ARMH1: variants seen among roughly 807,000 people sequenced by gnomAD.
ARMH1 encodes armadillo-like helical domain containing protein 1.
A neutral mutation model predicts 50.2 loss-of-function variants in ARMH1; 34 were observed. The ratio of observed to expected loss-of-function variants is 0.68; its 90% confidence interval spans 0.51 to 0.90. ARMH1 has a LOEUF of 0.90. ARMH1 is among the 40% of genes least tolerant of loss of function. ARMH1 has a pLI of 0.00. For synonymous variants in ARMH1, 221 were observed against 224.2 expected (o/e 0.99, Z 0.13); for missense variants, 538 against 553.9 (o/e 0.97, Z 0.29).
chr1:44,700,366 C>T (rs149357120), intron 4 of ARMH1, among the ~76,000 whole-genome samples: 186 of 152,164 alleles, frequency 1.2e-3, no homozygotes, highest in African/African-American at 4.2e-3. Context: ...GCCTCTAATC[C>T]CAACACTTCG....
At chr1:44,703,415 G>C (rs1646182713) in intron 5 of ARMH1, among the ~76,000 whole-genome samples, 3 of 152,018 alleles carry the variant, frequency 2.0e-5, no homozygotes, top group Admixed American at 2.0e-4. Context: ...CTAACAGGTA[G>C]ACAAGATCTA....
At position 44,724,828 on chromosome 1, in the gene ARMH1, C is replaced by T. The variant is rs1323869338; in HGVS notation, c.1117C>T (p.Gln373Ter). The stretch of plus-strand genomic sequence containing the variant: ...CAAGTGCATGGGGGAGGAACTCTAC[C>T]AGCTCTTCCTGGTAAGTGCGCCCTT... ...VRKCMGEELY[Q>*]LFLSNAEDLY... Residue 373 changes from glutamine (Q) to a stop codon, truncating the protein, a stop_gained, in exon 10 of 12, where the codon CAG (glutamine) becomes TAG (stop). Coordinates refer to ENST00000535358, the MANE Select transcript of ARMH1 (RefSeq NM_001145636.2). LOFTEE classifies it high-confidence loss of function. The surrounding 1 kb of genome is among the most constrained non-coding windows in gnomAD (Gnocchi z 6.4). 4.5e-6 allele frequency: 7 copies of T among 1,541,022 alleles called. No homozygotes were observed. The highest frequency in any genetic ancestry group is 1.4e-5 in the African/African-American group (1 of 73,024).
chr1:44,699,091 G>A (rs1426486405), intron 4 of ARMH1, among the ~76,000 whole-genome samples: 1 of 151,850 alleles, frequency 6.6e-6, no homozygotes, highest in African/African-American at 2.4e-5. Flanking sequence ...GACCATCCTG[G>A]CTAACACGGT....
At chr1:44,691,606 C>T (rs964457869) in intron 2 of ARMH1, among the ~76,000 whole-genome samples, 3 of 152,184 alleles carry the variant, frequency 2.0e-5, no homozygotes, top group Non-Finnish European at 4.4e-5. Context: ...CTCTTCTCTA[C>T]TCACTCTCAG....
At chr1:44,687,291 A>G (rs189161746) in intron 1 of ARMH1, among the ~76,000 whole-genome samples, 1 of 152,162 alleles carries the variant, frequency 6.6e-6, no homozygotes, top group East Asian at 1.9e-4. Flanking sequence ...CACCAATCAT[A>G]TTGGATAAAG....
intron 4 of ARMH1, among the ~76,000 whole-genome samples, chr1:44,700,562 G>T (rs1301760304): frequency 1.4e-5 from 2 of 147,162 alleles, no homozygotes; most frequent in African/African-American, 5.1e-5. Flanking sequence ...GTTGCAGTGA[G>T]CCGAGATCGC....
At chr1:44,695,335 C>A (rs1366691186) in intron 2 of ARMH1, among the ~76,000 whole-genome samples, 1 of 152,176 alleles carries the variant, frequency 6.6e-6, no homozygotes, top group Admixed American at 6.5e-5. Context: ...AGCACAGTGC[C>A]CCGCACACAA....
chr1:44,683,907 C>A lies in ARMH1; in HGVS notation c.-22-5769C>A, dbSNP rs1557515009. ...GTGGCTCACACCTGTAATTCCAGCA[C>A]TTTGGGAGGCCAAGGTGGGAAGATA... On this transcript the variant is annotated intron_variant, in intron 1 of 11. Transcript: ENST00000535358. This position sits in a 1 kb window ranked among gnomAD's most constrained non-coding sequence, Gnocchi z 4.2. 6.6e-6 allele frequency among the ~76,000 whole-genome samples: 1 copy of A among 152,102 alleles called. No individual in the cohort carries two copies. Among genetic ancestry groups the A allele is most frequent in the South Asian group, 2.1e-4 (1 of 4,828 alleles).
chr1:44,691,476 C>T (rs1645657002), intron 2 of ARMH1, among the ~76,000 whole-genome samples: 1 of 152,072 alleles, frequency 6.6e-6, no homozygotes, highest in African/African-American at 2.4e-5. Flanking sequence ...GTCAATCAAC[C>T]TTTCCCACTT....
intron 6 of ARMH1, among the ~76,000 whole-genome samples, chr1:44,707,317 G>A (rs1171711153): frequency 1.3e-5 from 2 of 152,158 alleles, no homozygotes. Context: ...TCACCTCTAT[G>A]CCTTTCTCCT....
intron 6 of ARMH1, among the ~76,000 whole-genome samples, chr1:44,705,349 C>T (rs1452227157): frequency 2.0e-5 from 3 of 151,936 alleles, no homozygotes; most frequent in Non-Finnish European, 2.9e-5. Context: ...AAAAATTAGC[C>T]AGGGGTAGTG....
At chr1:44,687,210 G>A (rs1645501338) in intron 1 of ARMH1, among the ~76,000 whole-genome samples, 2 of 152,096 alleles carry the variant, frequency 1.3e-5, no homozygotes, top group Admixed American at 6.6e-5. Flanking sequence ...AGATGACCAT[G>A]TTTTCCCTGT....
chr1:44,723,489 C>T (rs542600492), intron 6 of ARMH1, among the ~76,000 whole-genome samples: 4 of 152,286 alleles, frequency 2.6e-5, no homozygotes, highest in South Asian at 2.1e-4. Flanking sequence ...CTAACCAAAT[C>T]CTCCCCTCCT....
chr1:44,709,760 C>A (rs933913100), intron 6 of ARMH1, among the ~76,000 whole-genome samples: 1 of 151,878 alleles, frequency 6.6e-6, no homozygotes. Flanking sequence ...ATTGCTTGAC[C>A]CAGGAGGCGG....
chr1:44,719,701 C>G (rs968382016), intron 6 of ARMH1, among the ~76,000 whole-genome samples: 2 of 152,216 alleles, frequency 1.3e-5, no homozygotes, highest in Non-Finnish European at 2.9e-5. Flanking sequence ...GAAGCAGAGA[C>G]CTGTTCTGTG....
intron 6 of ARMH1, among the ~76,000 whole-genome samples, chr1:44,713,693 C>T (rs1646719230): frequency 6.6e-6 from 1 of 152,154 alleles, no homozygotes; most frequent in African/African-American, 2.4e-5. Context: ...CATTTGCCTG[C>T]CCCTCAAAAC....
chr1:44,676,605 A>G lies in ARMH1; in HGVS notation c.-23+1732A>G, dbSNP rs865924409. ...CAAGGAAGGAAAGTGTTGAAGGCTT[A>G]TGACTAATCAAGTAAAATAAGGCCT... On this transcript the variant is annotated intron_variant, in intron 1 of 11. Coordinates refer to ENST00000535358, the MANE Select transcript of ARMH1 (RefSeq NM_001145636.2). Among the ~76,000 whole-genome samples the G allele has an allele frequency of 4.6e-5, 7 of 152,364 alleles. No homozygotes were observed. In the South Asian group the frequency reaches 1.0e-3, roughly 23 times the overall value.
intron 1 of ARMH1, among the ~76,000 whole-genome samples, chr1:44,677,627 G>A (rs765833131): frequency 4.6e-5 from 7 of 152,270 alleles, no homozygotes; most frequent in Admixed American, 1.3e-4. Context: ...TGTGGCCGTG[G>A]GAGTCAGTGA....
In ARMH1 at chr1:44,724,158, T is replaced by C; in HGVS notation, c.761T>C (p.Val254Ala). ...ELIKDLVGYD[V>A]RQALLKGLVA... ...ATCAAAGACCTGGTCGGTTACGATG[T>C]GCGCCAGGCGCTGCTCAAGGGCCTC... The change falls in exon 7 of 12, where the codon GTG (valine) becomes GCG (alanine). Residue 254 changes from valine (V) to alanine (A), a missense_variant. By Grantham distance (64) the Val-to-Ala change is moderately conservative. Coordinates refer to ENST00000535358, the MANE Select transcript of ARMH1 (RefSeq NM_001145636.2). This position sits in a 1 kb window ranked among gnomAD's most constrained non-coding sequence, Gnocchi z 6.4. 2.6e-6 allele frequency: 4 copies of C among 1,551,762 alleles called. No individual in the cohort carries two copies. Among genetic ancestry groups the C allele is most frequent in the Non-Finnish European group, 3.5e-6 (4 of 1,146,996 alleles).
Sources: gnomAD v4.1 joint callset for allele counts (sites outside exome capture counted in the v4.1 genomes callset) on GRCh38, gnomAD v4.1.1 for gene constraint, Gnocchi (gnomAD v3.1) non-coding constraint, MANE v1.5 for transcripts, NCBI Gene and HGNC (gene_info 2026-07-23, HGNC 2026-07-21) for gene names.